The following DCP2 variants were observed in gnomAD, a reference collection of about 807,000 sequenced individuals.
The protein encoded by DCP2 is decapping mRNA 2.
DCP2 carries 30 observed loss-of-function variants against 56.1 expected under a neutral mutation model. The observed-to-expected ratio is 0.53, with a 90% CI of 0.40 to 0.73. DCP2 has a LOEUF of 0.73. Ranked by LOEUF, DCP2 falls within the 30% of genes least tolerant of loss-of-function variation. DCP2 has a pLI of 0.00. For synonymous variants in DCP2, 197 were observed against 163.3 expected (o/e 1.21, Z -1.57); for missense variants, 533 against 502.7 (o/e 1.06, Z -0.58).
chr5:112,995,680 C>T (rs66479188), intron 4 of DCP2, among the ~76,000 whole-genome samples: 10,007 of 152,144 alleles, frequency 0.066, 450 homozygotes, highest in Non-Finnish European at 0.099. Context: ...CCTTTTATAG[C>T]TGACTAAGGA....
At chr5:113,008,865 G>T (rs1749557618) in intron 9 of DCP2, among the ~76,000 whole-genome samples, 1 of 147,392 alleles carries the variant, frequency 6.8e-6, no homozygotes, top group African/African-American at 2.5e-5. Flanking sequence ...TTTTTTTTGA[G>T]ATTGAGTCTC....
At chr5:112,990,282 C>T (rs1266172178) in intron 2 of DCP2, among the ~76,000 whole-genome samples, 1 of 152,116 alleles carries the variant, frequency 6.6e-6, no homozygotes, top group African/African-American at 2.4e-5. Context: ...GCTATGTATC[C>T]TTGGGTAAAT....
chr5:112,987,639 TTTTTTTG>T, intron 2 of DCP2, among the ~76,000 whole-genome samples: 1 of 142,702 alleles, frequency 7.0e-6, no homozygotes, highest in Non-Finnish European at 1.5e-5. Context: ...TTTTTTTTTT[TTTTTTTG>T]TATTTTTAGT....
chr5:113,001,658 A>C lies in DCP2; in HGVS notation c.790A>C (p.Thr264Pro). The stretch of plus-strand genomic sequence containing the variant: ...AACTGGTAGCACGCCGGCTAAACCC[A>C]CTGTGGAAAAATTGAGGTAAAGAAA... ...SSTGSTPAKP[T>P]VEKLSRTKFR... is the part of the protein sequence containing the mutation. The change falls in exon 7 of 11, where the codon ACT (threonine) becomes CCT (proline). Residue 264 changes from threonine to proline, a missense_variant. This residue lies in a region of DCP2 where 392 missense variants were observed against 346.6 expected (regional missense o/e 1.13). Coordinates refer to ENST00000389063, the MANE Select transcript of DCP2 (RefSeq NM_152624.6). The C allele has an allele frequency of 6.2e-7, 1 of 1,614,024 alleles. No homozygotes were observed. The highest frequency in any genetic ancestry group is 8.5e-7 in the Non-Finnish European group (1 of 1,179,938).
intron 10 of DCP2, among the ~76,000 whole-genome samples, chr5:113,011,574 G>A (rs1749682095): frequency 6.6e-6 from 1 of 152,126 alleles, no homozygotes; most frequent in African/African-American, 2.4e-5. Flanking sequence ...AAATGAAAAA[G>A]CATTATCATA....
chr5:112,984,608 C>A (rs1254522415), intron 1 of DCP2: 1 of 150,086 alleles, frequency 6.7e-6, no homozygotes, highest in Non-Finnish European at 1.5e-5. Context: ...CTTGTGTCTC[C>A]CAAATTGCAA....
intron 9 of DCP2, among the ~76,000 whole-genome samples, chr5:113,009,957 G>A (rs565824766): frequency 1.8e-4 from 25 of 142,284 alleles, no homozygotes; most frequent in South Asian, 6.6e-4. Flanking sequence ...TCGCTCTGTC[G>A]TCTAGAGTAC....
chr5:112,982,303 G>C (rs1748044455), intron 1 of DCP2, among the ~76,000 whole-genome samples: 1 of 151,992 alleles, frequency 6.6e-6, no homozygotes, highest in Non-Finnish European at 1.5e-5. Flanking sequence ...CACTCTTGGG[G>C]ACCTCCATCC....
chr5:112,979,895 T>A (rs1482741611), intron 1 of DCP2, among the ~76,000 whole-genome samples: 7 of 152,082 alleles, frequency 4.6e-5, no homozygotes, highest in Non-Finnish European at 8.8e-5. Flanking sequence ...AATTTTTAAG[T>A]GTGTGTGTGG....
chr5:112,997,028 T>G (rs952620188), intron 4 of DCP2, among the ~76,000 whole-genome samples: 2 of 152,244 alleles, frequency 1.3e-5, no homozygotes, highest in African/African-American at 4.8e-5. Context: ...GTTAGTTTTC[T>G]TCTAAAGGTT....
chr5:112,993,453 C>T (rs1748690426), intron 4 of DCP2, among the ~76,000 whole-genome samples: 2 of 151,774 alleles, frequency 1.3e-5, no homozygotes, highest in Admixed American at 6.6e-5. Context: ...GGAGAAACCC[C>T]GTCTCTGCTA....
intron 1 of DCP2, among the ~76,000 whole-genome samples, chr5:112,980,071 AG>A (rs1320889487): frequency 2.6e-5 from 4 of 152,218 alleles, no homozygotes; most frequent in Non-Finnish European, 5.9e-5. Context: ...GTATGTGTAA[AG>A]GTGAATCTGC....
At chr5:113,005,563 A>C (rs1174030018) in intron 8 of DCP2, among the ~76,000 whole-genome samples, 1 of 152,234 alleles carries the variant, frequency 6.6e-6, no homozygotes, top group Non-Finnish European at 1.5e-5. Flanking sequence ...ATGGGAGTGT[A>C]AAATGGTGCA....
rs375692198 is a variant in DCP2 at position 112,992,216 on chromosome 5, G to C, written c.301G>C (p.Gly101Arg). The change falls in exon 3 of 11, where the codon GGT becomes CGT. Residue 101 changes from glycine (G) to arginine (R), a missense_variant. Coordinates refer to ENST00000389063, the MANE Select transcript of DCP2 (RefSeq NM_152624.6). Reference sequence around the variant, plus strand: ...ATATAAAATGGGAGTACCAACATATGGTGCAATTATTCTTGATGAGACACT... The same window carrying C: ...ATATAAAATGGGAGTACCAACATATCGTGCAATTATTCTTGATGAGACACT... The part of the protein sequence containing the change: ...KEYKMGVPTY[G>R]AIILDETLEN... 5.6e-6 allele frequency: 9 copies of C among 1,612,886 alleles called. No individual in the cohort carries two copies. The highest frequency in any genetic ancestry group is 1.3e-5 in the African/African-American group (1 of 74,852).
chr5:113,007,779 C>A (rs1269724485), intron 8 of DCP2, among the ~76,000 whole-genome samples, 159 bp from the exon 9 acceptor site: 1 of 152,108 alleles, frequency 6.6e-6, no homozygotes, highest in Non-Finnish European at 1.5e-5. Context: ...GCACTGACTT[C>A]TATAAGAAAA....
chr5:112,998,055 A>C (rs1748948622), intron 4 of DCP2, among the ~76,000 whole-genome samples: 1 of 152,218 alleles, frequency 6.6e-6, no homozygotes, highest in African/African-American at 2.4e-5. Context: ...TGTGGTATAA[A>C]AATTTTTGTC....
intron 2 of DCP2, among the ~76,000 whole-genome samples, chr5:112,989,400 TTAATG>T (rs1748468450): frequency 1.3e-5 from 2 of 151,782 alleles, no homozygotes; most frequent in Non-Finnish European, 2.9e-5. Flanking sequence ...TCAATAAATG[TTAATG>T]TAATAAATGT....
intron 4 of DCP2, among the ~76,000 whole-genome samples, chr5:112,994,952 C>G (rs764179909): frequency 1.3e-5 from 2 of 152,072 alleles, no homozygotes; most frequent in Non-Finnish European, 2.9e-5. Flanking sequence ...AATTCATTGC[C>G]TTGTGTATGT....
chr5:112,992,152 A>C lies in DCP2; in HGVS notation c.237A>C (p.Gln79His), dbSNP rs1260793020. The C allele has an allele frequency of 1.2e-6, 2 of 1,613,994 alleles. No homozygotes were observed. Among genetic ancestry groups the C allele is most frequent in the Non-Finnish European group, 1.7e-6 (2 of 1,179,948 alleles). The change falls in exon 3 of 11, where the codon CAA becomes CAC. Residue 79 changes from glutamine (Q) to histidine (H), a missense_variant. Gln to His is a conservative substitution (Grantham distance 24). This residue lies in a region of DCP2 where 137 missense variants were observed against 138.2 expected (regional missense o/e 0.99). Coordinates refer to ENST00000389063, the MANE Select transcript of DCP2 (RefSeq NM_152624.6). ...VFSHCPFLLP[Q>H]GEDVEKVLDE... The stretch of plus-strand genomic sequence containing the variant: ...GTCATTGTCCGTTTTTGCTGCCTCA[A>C]GGTGAAGATGTGGAAAAAGTTTTGG...
Sources: gnomAD v4.1 joint callset for allele counts (sites outside exome capture counted in the v4.1 genomes callset) on GRCh38, gnomAD v4.1.1 for gene constraint, gnomAD v4.1.1 regional missense constraint, MANE v1.5 for transcripts, NCBI Gene and HGNC (gene_info 2026-07-23, HGNC 2026-07-21) for gene names.